GAREM1: variants seen among roughly 807,000 people sequenced by gnomAD.
The protein encoded by GAREM1 is GRB2 associated regulator of MAPK1 subtype 1.
Under a neutral mutation model 71.3 loss-of-function variants are expected in GAREM1, and 26 were observed. The ratio of observed to expected loss-of-function variants is 0.36; its 90% CI spans 0.27 to 0.51. The LOEUF (loss-of-function observed/expected upper bound fraction) is 0.51, where lower values mean the gene tolerates loss of function less well. Among genes scored for constraint, GAREM1 ranks in the 20% least tolerant of loss-of-function variants. GAREM1 has a pLI of 0.95. For synonymous variants in GAREM1, 440 were observed against 433.2 expected, an observed-to-expected ratio of 1.02 and a Z score of -0.20; for missense variants, 1,026 against 1,103.1, an observed-to-expected ratio of 0.93 and a Z score of 0.99.
chr18:32,319,941 T>C (rs2047413838), intron 2 of GAREM1, among the ~76,000 whole-genome samples: 1 of 152,212 alleles, frequency 6.6e-6, no homozygotes, highest in Non-Finnish European at 1.5e-5. Context: ...TTCCAATCTT[T>C]TGCAGCCCCA....
rs2049034877 is a variant in GAREM1, at chr18:32,470,044, T to C, written c.121+264A>G. Among the ~76,000 whole-genome samples the C allele has an allele frequency of 6.6e-6, 1 of 152,070 alleles. No homozygotes were observed. The highest frequency in any genetic ancestry group is 1.5e-5 in the Non-Finnish European group (1 of 68,012). On this transcript the variant is annotated intron_variant, in intron 1 of 5. Coordinates refer to ENST00000269209, the MANE Select transcript of GAREM1 (RefSeq NM_001242409.2). The surrounding 1 kb of genome is among the most constrained non-coding windows in gnomAD (Gnocchi z 4.4). ...ATATCTGGCGTCCAAGATTACGATC[T>C]GCAGAGGTCTCCCTATGTTGACTTT...
chr18:32,358,194 A>G (rs529495659), intron 2 of GAREM1, among the ~76,000 whole-genome samples: 1 of 142,950 alleles, frequency 7.0e-6, no homozygotes, highest in East Asian at 2.1e-4. Context: ...ACCCTTTCGG[A>G]GAGCACACCC....
intron 1 of GAREM1, among the ~76,000 whole-genome samples, chr18:32,417,221 A>G (rs934301323): frequency 1.3e-5 from 2 of 152,184 alleles, no homozygotes; most frequent in African/African-American, 4.8e-5. Flanking sequence ...GGCAGTAACA[A>G]ATGCCGGCAA....
chr18:32,304,627 T>C (rs1031681315), intron 3 of GAREM1, among the ~76,000 whole-genome samples: 1 of 152,220 alleles, frequency 6.6e-6, no homozygotes, highest in Admixed American at 6.5e-5. Context: ...CCCGCCTCCT[T>C]ACTAGACACT....
intron 1 of GAREM1, among the ~76,000 whole-genome samples, chr18:32,423,014 T>C (rs1177285949): frequency 2.0e-5 from 3 of 152,214 alleles, no homozygotes; most frequent in East Asian, 3.8e-4. Context: ...ATAAAATAAA[T>C]GAGATACTCA....
At chr18:32,408,479 T>G (rs2048386058) in intron 1 of GAREM1, among the ~76,000 whole-genome samples, 1 of 152,046 alleles carries the variant, frequency 6.6e-6, no homozygotes, top group Non-Finnish European at 1.5e-5. Flanking sequence ...GCAAAAAAAT[T>G]GTGAGGAATA....
At chr18:32,419,783 A>G (rs2048503011) in intron 1 of GAREM1, among the ~76,000 whole-genome samples, 1 of 152,194 alleles carries the variant, frequency 6.6e-6, no homozygotes, top group South Asian at 2.1e-4. Context: ...CACACATGCT[A>G]ATACAGGAAG....
chr18:32,385,041 T>C (rs1274382107), intron 2 of GAREM1, among the ~76,000 whole-genome samples: 3 of 152,162 alleles, frequency 2.0e-5, no homozygotes, highest in African/African-American at 4.8e-5. Context: ...CAGACTAATA[T>C]ACTACTTAAT....
At chr18:32,363,995 CATATATATATATAT>C (rs766095412) in intron 2 of GAREM1, among the ~76,000 whole-genome samples, 536 of 21,316 alleles carry the variant, frequency 0.025, 20 homozygotes, top group Middle Eastern at 0.12. Flanking sequence ...TACATATATA[CATATATATATATAT>C]ATATATATAT....
At position 32,312,794 on chromosome 18, in the gene GAREM1, C is replaced by T. The variant is rs78828311; in HGVS notation, c.263-2471G>A. On this transcript the variant is annotated intron_variant, in intron 2 of 5. Coordinates refer to ENST00000269209, the MANE Select transcript of GAREM1 (RefSeq NM_001242409.2). ...ACCCAATTGTTGAGCAGGCAGAGAA[C>T]GTGCATCTGATGTTGAAATGGAGGA... Among the ~76,000 whole-genome samples, 144 of 152,192 alleles carry T rather than the reference C, an allele frequency of 9.5e-4. 5 individuals are homozygous for T. In the East Asian group the frequency reaches 0.027, roughly 28 times the overall value.
At chr18:32,284,752 C>CTTT (rs34946592) in intron 4 of GAREM1, among the ~76,000 whole-genome samples, 3 of 121,242 alleles carry the variant, frequency 2.5e-5, no homozygotes, top group African/African-American at 7.1e-5. Context: ...TGCCCCCTTA[C>CTTT]TTTTTTTTTT....
chr18:32,303,736 T>C (rs930626262), intron 3 of GAREM1, among the ~76,000 whole-genome samples: 4 of 151,084 alleles, frequency 2.6e-5, no homozygotes, highest in African/African-American at 9.7e-5. Context: ...TGGGCAACAC[T>C]GTGAGATGCT....
rs2047025679 is a variant in GAREM1 at position 32,287,024 on chromosome 18, G to A, written c.1566+7C>T. ...TGGCACCGCATTCAAAAACAGAAATGACTTACGGCTTCAGATTTGGGAGGC... is the reference window on the plus strand; with the variant it reads ...TGGCACCGCATTCAAAAACAGAAATAACTTACGGCTTCAGATTTGGGAGGC... On this transcript the variant is annotated splice_region_variant and intron_variant, in intron 4 of 5. Transcript: ENST00000269209. This position sits in a 1 kb window ranked among gnomAD's most constrained non-coding sequence, Gnocchi z 5.9. 1 of 1,601,202 alleles carries A rather than the reference G, an allele frequency of 6.2e-7. No homozygotes were observed. Among genetic ancestry groups the A allele is most frequent in the Non-Finnish European group, 8.5e-7 (1 of 1,169,702 alleles).
chr18:32,405,189 AT>A lies in GAREM1; in HGVS notation c.122-12155del, dbSNP rs549137576. On this transcript the variant is annotated intron_variant, in intron 1 of 5. Coordinates refer to ENST00000269209, the MANE Select transcript of GAREM1 (RefSeq NM_001242409.2). ...CCCAAACCACTGTACTTCTCTTACAATTTTTTTTTTCTTTTTTTTGTCTTTT... is the reference window on the plus strand; with the variant it reads ...CCCAAACCACTGTACTTCTCTTACAATTTTTTTTTCTTTTTTTTGTCTTTT... Among the ~76,000 whole-genome samples the A allele has an allele frequency of 5.9e-3, 880 of 149,998 alleles. 11 individuals are homozygous for A. The highest frequency in any genetic ancestry group is 0.02 in the African/African-American group (809 of 40,908).
chr18:32,439,994 G>A (rs1327588079), intron 1 of GAREM1, among the ~76,000 whole-genome samples: 7 of 152,136 alleles, frequency 4.6e-5, no homozygotes, highest in South Asian at 2.1e-4. Context: ...TAGGACCAGC[G>A]GGGGCACTCT....
intron 2 of GAREM1, among the ~76,000 whole-genome samples, chr18:32,340,769 A>G (rs1407729899): frequency 6.6e-6 from 1 of 152,152 alleles, no homozygotes; most frequent in African/African-American, 2.4e-5. Context: ...AGGGAAGTGC[A>G]AAGTAAAAGC....
At chr18:32,330,439 A>G (rs12968307) in intron 2 of GAREM1, among the ~76,000 whole-genome samples, 1 of 152,122 alleles carries the variant, frequency 6.6e-6, no homozygotes, top group Non-Finnish European at 1.5e-5. Flanking sequence ...CATTTGTATC[A>G]CAAACGTCAG....
intron 2 of GAREM1, among the ~76,000 whole-genome samples, chr18:32,390,218 T>C (rs932859210): frequency 1.3e-5 from 2 of 150,670 alleles, no homozygotes; most frequent in South Asian, 2.1e-4. Context: ...GCCTTCTTAT[T>C]TACCTGTTTA....
At chr18:32,419,785 T>C (rs193105668) in intron 1 of GAREM1, among the ~76,000 whole-genome samples, 1 of 152,236 alleles carries the variant, frequency 6.6e-6, no homozygotes, top group Admixed American at 6.5e-5. Context: ...CACATGCTAA[T>C]ACAGGAAGGA....
Sources: allele counts gnomAD v4.1 joint callset (sites outside exome capture counted in the v4.1 genomes callset), GRCh38; gene constraint gnomAD v4.1.1; non-coding constraint Gnocchi (gnomAD v3.1); transcripts MANE v1.5; gene names NCBI Gene and HGNC (gene_info 2026-07-23, HGNC 2026-07-21).